Variants in TM9SF4 observed in about 807,000 individuals in gnomAD.
TM9SF4 encodes dinucleotide oxidase disulfide thiol exchanger 3 superfamily member 4.
In TM9SF4, 26 loss-of-function variants were observed where a neutral mutation model predicts 90.4. That is an observed-to-expected ratio of 0.29 (90% confidence interval 0.21 to 0.40). The LOEUF (loss-of-function observed/expected upper bound fraction) is 0.40. TM9SF4 is among the 10% of genes least tolerant of loss of function. TM9SF4 has a pLI of 1.00. For missense variants in TM9SF4, 549 were observed against 834.8 expected (o/e 0.66, Z 4.22); for synonymous variants, 293 against 315.4 (o/e 0.93, Z 0.75).
chr20:32,137,594 C>A (rs2046612449), intron 3 of TM9SF4, among the ~76,000 whole-genome samples: 1 of 152,184 alleles, frequency 6.6e-6, no homozygotes, highest in Non-Finnish European at 1.5e-5. Flanking sequence ...TCACATTCCC[C>A]TCTCTTCTCA....
At chr20:32,156,932 T>C in intron 13 of TM9SF4, among the ~76,000 whole-genome samples, 1 of 139,658 alleles carries the variant, frequency 7.2e-6, no homozygotes, top group Non-Finnish European at 1.5e-5. Flanking sequence ...TTTTTTTTCC[T>C]GGACATTTTC....
intron 3 of TM9SF4, among the ~76,000 whole-genome samples, chr20:32,139,555 A>C (rs895288819): frequency 1.3e-5 from 2 of 151,866 alleles, no homozygotes; most frequent in African/African-American, 4.8e-5. Flanking sequence ...ACTGCCCCCC[A>C]CCACCACCAC....
intron 6 of TM9SF4, among the ~76,000 whole-genome samples, chr20:32,143,670 G>A (rs2046715198): frequency 6.6e-6 from 1 of 152,054 alleles, no homozygotes; most frequent in African/African-American, 2.4e-5. Flanking sequence ...GATCATCACA[G>A]TGTGCTTTTT....
At chr20:32,148,602 C>A (rs930890491) in intron 9 of TM9SF4, among the ~76,000 whole-genome samples, 2 of 148,306 alleles carry the variant, frequency 1.3e-5, no homozygotes, top group Non-Finnish European at 3.0e-5. Context: ...CACAGCAATT[C>A]TTCTATTATT....
intron 1 of TM9SF4, among the ~76,000 whole-genome samples, chr20:32,121,598 ACTT>A (rs2046308469): frequency 6.6e-6 from 1 of 151,938 alleles, no homozygotes; most frequent in Non-Finnish European, 1.5e-5. Context: ...TCCCATGTCT[ACTT>A]CTTTCTACAC....
intron 1 of TM9SF4, among the ~76,000 whole-genome samples, chr20:32,131,509 T>TGTGTGTGTGTGTGTG (rs11167299): frequency 2.7e-5 from 4 of 150,258 alleles, no homozygotes; most frequent in African/African-American, 9.9e-5. Flanking sequence ...TGTGTGTGTG[T>TGTGTGTGTGTGTGTG]TGGTTAGTTG....
At chr20:32,146,353 G>A (rs1399772643) in intron 8 of TM9SF4, among the ~76,000 whole-genome samples, 1 of 152,164 alleles carries the variant, frequency 6.6e-6, no homozygotes, top group East Asian at 1.9e-4. Flanking sequence ...GAGTCAGTCA[G>A]GATATGGCGG....
At chr20:32,159,956 G>A in intron 15 of TM9SF4, 36 bp from the exon 16 acceptor site, 1 of 1,613,746 alleles carries the variant, frequency 6.2e-7, no homozygotes, top group Non-Finnish European at 8.5e-7. Context: ...GGAGCAGGGT[G>A]GTCAAGCCAG....
intron 1 of TM9SF4, among the ~76,000 whole-genome samples, chr20:32,124,386 T>C (rs974558343): frequency 2.0e-5 from 3 of 152,190 alleles, no homozygotes; most frequent in Admixed American, 6.5e-5. Context: ...AGTACAGTTC[T>C]TCTTGAACAC....
intron 2 of TM9SF4, among the ~76,000 whole-genome samples, chr20:32,134,541 A>G (rs1197151741): frequency 2.0e-5 from 3 of 152,170 alleles, no homozygotes; most frequent in African/African-American, 4.8e-5. Context: ...GACTTTTTCT[A>G]TTCCACTTAA....
chr20:32,143,384 G>T (rs2046709887), intron 6 of TM9SF4, among the ~76,000 whole-genome samples: 1 of 152,226 alleles, frequency 6.6e-6, no homozygotes, highest in Admixed American at 6.5e-5. Flanking sequence ...AGGCTCAAAA[G>T]GAGCTAGTGA....
At chr20:32,141,052 C>G (rs1384456719) in intron 3 of TM9SF4, among the ~76,000 whole-genome samples, 2 of 151,684 alleles carry the variant, frequency 1.3e-5, no homozygotes, top group Non-Finnish European at 1.5e-5. Flanking sequence ...CCCGTCTCTA[C>G]TAAAAATACA....
chr20:32,147,914 A>G (rs563831600), intron 9 of TM9SF4, among the ~76,000 whole-genome samples: 2 of 151,678 alleles, frequency 1.3e-5, no homozygotes, highest in African/African-American at 4.8e-5. Context: ...GGAGTTCAAG[A>G]CCAGCCTGAC....
intron 6 of TM9SF4, among the ~76,000 whole-genome samples, chr20:32,143,619 T>A (rs138323473): frequency 2.0e-3 from 305 of 152,318 alleles, no homozygotes; most frequent in African/African-American, 6.9e-3. Context: ...CTGATGGGCC[T>A]CACAGGAGCT....
At chr20:32,126,848 G>A (rs1315475456) in intron 1 of TM9SF4, among the ~76,000 whole-genome samples, 1 of 151,724 alleles carries the variant, frequency 6.6e-6, no homozygotes, top group South Asian at 2.1e-4. Flanking sequence ...CAATTCTCCT[G>A]CCTCAGCCTC....
rs572303785 is a variant in TM9SF4 at position 32,155,605 on chromosome 20, C to T, written c.1329+419C>T. Among the ~76,000 whole-genome samples, 7 of 152,318 alleles carry T rather than the reference C, an allele frequency of 4.6e-5. No individual in the cohort carries two copies. In the South Asian group the frequency reaches 1.4e-3, roughly 32 times the overall value. On this transcript the variant is annotated intron_variant, in intron 13 of 17. Transcript: ENST00000398022. ...GTGGAGGAGAGAGGAAAGGAAGGAT[C>T]AGGTTGTATTACCCTTAGAGCTGGG...
chr20:32,129,105 A>G (rs2046471271), intron 1 of TM9SF4, among the ~76,000 whole-genome samples: 1 of 143,928 alleles, frequency 6.9e-6, no homozygotes, highest in East Asian at 2.0e-4. Context: ...CCTCCTAAAT[A>G]TTTTTCCAAA....
intron 1 of TM9SF4, chr20:32,110,056 A>C: frequency 2.3e-6 from 3 of 1,332,778 alleles, no homozygotes; most frequent in Non-Finnish European, 1.9e-6. Context: ...CCCATTTTCC[A>C]TTTCTCACCT....
At chr20:32,130,830 T>C (rs1403689059) in intron 1 of TM9SF4, among the ~76,000 whole-genome samples, 2 of 152,208 alleles carry the variant, frequency 1.3e-5, no homozygotes, top group African/African-American at 2.4e-5. Context: ...CTGTTTGAAT[T>C]ATTTACTGTA....
Sources: gnomAD v4.1 joint callset for allele counts (sites outside exome capture counted in the v4.1 genomes callset) on GRCh38, gnomAD v4.1.1 for gene constraint, MANE v1.5 for transcripts, NCBI Gene and HGNC (gene_info 2026-07-23, HGNC 2026-07-21) for gene names.